The following ZNF428 variants were observed in gnomAD, a reference collection of about 807,000 sequenced individuals.
ZNF428 encodes enzyme-like protein PIT13.
A neutral mutation model predicts 15.6 loss-of-function variants in ZNF428; 5 were observed. The ratio of observed to expected loss-of-function variants is 0.32; its 90% CI spans 0.17 to 0.67. The LOEUF is 0.67. ZNF428 is among the 30% of genes least tolerant of loss of function. ZNF428 has a pLI of 0.73. For missense variants in ZNF428, 237 were observed against 256.0 expected (o/e 0.93, Z 0.51); for synonymous variants, 97 against 102.2 (o/e 0.95, Z 0.31).
intron 2 of ZNF428, among the ~76,000 whole-genome samples, chr19:43,610,599 T>C (rs1973285517): frequency 6.6e-6 from 1 of 151,960 alleles, no homozygotes; most frequent in African/African-American, 2.4e-5. Flanking sequence ...TTCACTGCTG[T>C]GGCCCCAGCA....
chr19:43,617,692 T>G (rs991190588), intron 1 of ZNF428, among the ~76,000 whole-genome samples: 3 of 152,138 alleles, frequency 2.0e-5, no homozygotes, highest in Non-Finnish European at 4.4e-5. Flanking sequence ...GACATCCAAT[T>G]AATTTTTTTG....
At position 43,612,558 on chromosome 19, in the gene ZNF428, G is replaced by C. The variant is rs1261768740; in HGVS notation, c.76+1671C>G. The C allele has an allele frequency of 2.6e-6, 4 of 1,551,386 alleles. No homozygotes were observed. Among genetic ancestry groups the C allele is most frequent in the African/African-American group, 2.7e-5 (2 of 72,972 alleles). On this transcript the variant is annotated intron_variant, in intron 2 of 2. Transcript: ENST00000300811. This position sits in a 1 kb window ranked among gnomAD's most constrained non-coding sequence, Gnocchi z 4.2. ...AGGGCCAGCACTCCTGGCAGGATAAGAACTCATGGTGCCAGACCAGGCATG... is the reference window on the plus strand; with the variant it reads ...AGGGCCAGCACTCCTGGCAGGATAACAACTCATGGTGCCAGACCAGGCATG...
At chr19:43,611,907 C>T in intron 2 of ZNF428, 2 of 597,088 alleles carry the variant, frequency 3.3e-6, no homozygotes, top group Non-Finnish European at 3.0e-6. Context: ...TGCTGAATGG[C>T]TGCAAACCAG....
intron 2 of ZNF428, among the ~76,000 whole-genome samples, chr19:43,609,416 A>G (rs1217988089): frequency 7.3e-6 from 1 of 136,818 alleles, no homozygotes; most frequent in Non-Finnish European, 1.6e-5. Flanking sequence ...GGTAAGATAT[A>G]TTACTGTGAT....
intron 2 of ZNF428, chr19:43,613,910 AG>A: frequency 6.4e-7 from 1 of 1,551,724 alleles, no homozygotes. Context: ...CAGCCGATCT[AG>A]AAGCCCCAAT....
intron 1 of ZNF428, among the ~76,000 whole-genome samples, chr19:43,616,187 C>T (rs886164162): frequency 1.3e-3 from 201 of 152,074 alleles, no homozygotes; most frequent in African/African-American, 3.7e-3. Context: ...TATATAATAC[C>T]ACAAGGGGGG....
At chr19:43,611,165 G>C (rs1357993105) in intron 2 of ZNF428, among the ~76,000 whole-genome samples, 1 of 152,090 alleles carries the variant, frequency 6.6e-6, no homozygotes, top group Non-Finnish European at 1.5e-5. Flanking sequence ...TGCCCCCCAG[G>C]GTATCTCCCT....
Position 43,608,013 on chromosome 19 carries a change from G to A in ZNF428, c.171C>T (p.Asp57=), listed in dbSNP as rs151333697. ...DEEEEEEETT[D]DPEYDPGYKV... is the part of the protein sequence containing the mutation. The stretch of plus-strand genomic sequence containing the variant: ...TGTAGCCAGGATCATATTCAGGATC[G>A]TCAGTGGTCTCCTCTTCCTCCTCCT... The change falls in exon 3 of 3, where the codon GAC becomes GAT. Residue 57 remains aspartate (D), a synonymous_variant. Coordinates refer to ENST00000300811, the MANE Select transcript of ZNF428 (RefSeq NM_182498.4). 96 of 1,612,942 alleles carry A rather than the reference G, an allele frequency of 6.0e-5. 1 individual carries two copies. Among genetic ancestry groups the A allele is most frequent in the Admixed American group, 5.8e-4 (35 of 59,916 alleles).
chr19:43,610,547 G>A (rs1973284850), intron 2 of ZNF428, among the ~76,000 whole-genome samples: 1 of 152,042 alleles, frequency 6.6e-6, no homozygotes, highest in Non-Finnish European at 1.5e-5. Flanking sequence ...TTACTTGTGT[G>A]TTTGTTTACT....
intron 1 of ZNF428, among the ~76,000 whole-genome samples, chr19:43,617,547 G>A (rs1973383751): frequency 6.6e-6 from 1 of 152,112 alleles, no homozygotes; most frequent in Non-Finnish European, 1.5e-5. Context: ...CCTAAATCTT[G>A]GCTTTTAAAG....
chr19:43,612,986 AG>A lies in ZNF428; in HGVS notation c.76+1242del. ...TCACAGCCAATCTAGAAGCCCCAGA[AG>A]GTCAAGAAGTGGCAGTCAGAAGAGG... On this transcript the variant is annotated intron_variant, in intron 2 of 2. Coordinates refer to ENST00000300811, the MANE Select transcript of ZNF428 (RefSeq NM_182498.4). The surrounding 1 kb of genome is among the most constrained non-coding windows in gnomAD (Gnocchi z 4.2). 1 of 1,551,736 alleles carries A rather than the reference AG, an allele frequency of 6.4e-7. No homozygotes were observed.
intron 2 of ZNF428, among the ~76,000 whole-genome samples, chr19:43,610,630 C>G (rs1600085653): frequency 6.6e-6 from 1 of 152,208 alleles, no homozygotes; most frequent in Non-Finnish European, 1.5e-5. Context: ...TTCCTTTGTG[C>G]AAAGAAAGTA....
Position 43,607,707 on chromosome 19 carries a change from T to G in ZNF428, c.477A>C (p.Gly159=), listed in dbSNP as rs762474446. 3.1e-6 allele frequency: 5 copies of G among 1,613,862 alleles called. No individual in the cohort carries two copies. The African/African-American group carries it at 6.7e-5, about 22-fold the overall frequency. The change falls in exon 3 of 3, where the codon GGA becomes GGC. Residue 159 remains glycine (G), a synonymous_variant. Coordinates refer to ENST00000300811, the MANE Select transcript of ZNF428 (RefSeq NM_182498.4). The surrounding 1 kb of genome is among the most constrained non-coding windows in gnomAD (Gnocchi z 5.1). The part of the protein sequence containing the change: ...REEEEEEEEE[G]TYHCTECEDS... ...CCTCACATTCCGTACAGTGGTAGGT[T>G]CCCTCCTCCTCCTCTTCCTCCTCCT...
intron 2 of ZNF428, chr19:43,613,257 G>C: frequency 6.4e-7 from 1 of 1,551,554 alleles, no homozygotes; most frequent in Non-Finnish European, 8.7e-7. Context: ...GATCACAGGG[G>C]ATCTAGCAGC....
rs568095447 is a variant in ZNF428, at chr19:43,607,768, G to A, written c.416C>T (p.Pro139Leu). ...AGCTGGTCGGCCCTCCCCAGCCCGA[G>A]GTGGTTCCTCCTCTTCCTCCCCGAG... ...RALGEEEEEP[P>L]RAGEGRPAGR... Residue 139 changes from proline to leucine, a missense_variant, in exon 3 of 3, where the codon CCT (proline) becomes CTT (leucine). Coordinates refer to ENST00000300811, the MANE Select transcript of ZNF428 (RefSeq NM_182498.4). This position sits in a 1 kb window ranked among gnomAD's most constrained non-coding sequence, Gnocchi z 5.1. 13 of 1,606,326 alleles carry A rather than the reference G, an allele frequency of 8.1e-6. No homozygotes were observed. Among genetic ancestry groups the A allele is most frequent in the Non-Finnish European group, 1.0e-5 (12 of 1,176,340 alleles).
At chr19:43,618,856 G>T (rs567394436) in intron 1 of ZNF428, among the ~76,000 whole-genome samples, 52 of 152,192 alleles carry the variant, frequency 3.4e-4, no homozygotes, top group African/African-American at 9.6e-4. Context: ...GACATTCCCT[G>T]AAGTTACCAG....
chr19:43,612,024 C>G lies in ZNF428; in HGVS notation c.76+2205G>C. ...CTTCAATGCCCACTATTACTTCACA[C>G]AGTTGGCCTGTGACAGGCAATCAGG... On this transcript the variant is annotated intron_variant, in intron 2 of 2. Transcript: ENST00000300811. The surrounding 1 kb of genome is among the most constrained non-coding windows in gnomAD (Gnocchi z 4.2). The G allele has an allele frequency of 3.3e-6, 3 of 898,042 alleles. No homozygotes were observed. The Admixed American group carries it at 6.7e-5, about 20-fold the overall frequency. 55.6% of individuals were successfully genotyped at this position (898,042 alleles called of 1,614,324 possible). A position where few individuals can be genotyped will look rare whatever the true frequency, so the allele number is the denominator to read the frequency against.
intron 2 of ZNF428, 32 bp downstream of exon 2, chr19:43,614,197 A>T: frequency 6.2e-7 from 1 of 1,614,228 alleles, no homozygotes; most frequent in Non-Finnish European, 8.5e-7. Context: ...ATGACAGTCA[A>T]GCCGACGCCA....
chr19:43,610,795 G>A (rs1281642280), intron 2 of ZNF428, among the ~76,000 whole-genome samples: 1 of 152,138 alleles, frequency 6.6e-6, no homozygotes, highest in African/African-American at 2.4e-5. Context: ...CCTCTTTGGT[G>A]AGGCCGTCCC....
Sources: allele counts gnomAD v4.1 joint callset (sites outside exome capture counted in the v4.1 genomes callset), GRCh38; gene constraint gnomAD v4.1.1; non-coding constraint Gnocchi (gnomAD v3.1); transcripts MANE v1.5; gene names NCBI Gene and HGNC (gene_info 2026-07-23, HGNC 2026-07-21).